RBM19: variants seen among roughly 807,000 people sequenced by gnomAD.
RBM19 encodes RNA binding motif protein 19, also known as probable RNA-binding protein 19.
Under a neutral mutation model 116.8 loss-of-function variants are expected in RBM19, and 94 were observed. That is an observed-to-expected ratio of 0.80 (90% CI 0.68 to 0.95). RBM19 has a LOEUF of 0.95. RBM19 is among the 40% of genes least tolerant of loss of function. The pLI is 0.00. For synonymous variants in RBM19, 475 were observed against 494.1 expected (o/e 0.96, Z 0.51); for missense variants, 1,161 against 1,220.7 (o/e 0.95, Z 0.73).
At position 113,896,491 on chromosome 12, in the gene RBM19, T is replaced by C. The variant is rs41509751; in HGVS notation, c.2558+18478A>G. Among the ~76,000 whole-genome samples the C allele has an allele frequency of 9.9e-3, 1,509 of 152,330 alleles. 83 individuals carry two copies. The East Asian group carries it at 0.14, about 14-fold the overall frequency. ...GAGGACCAGCTCTTGCCAGGAACAC[T>C]GGGAGGCACAGACATTACAGTGAAG... On this transcript the variant is annotated intron_variant, in intron 21 of 23. Transcript: ENST00000261741.
intron 21 of RBM19, among the ~76,000 whole-genome samples, chr12:113,911,257 TG>T (rs1196542887): frequency 6.6e-6 from 1 of 152,106 alleles, no homozygotes; most frequent in Non-Finnish European, 1.5e-5. Context: ...CATTTCCTTT[TG>T]GGGGATAAAG....
At chr12:113,852,771 C>G (rs1239320126) in intron 22 of RBM19, among the ~76,000 whole-genome samples, 1 of 152,230 alleles carries the variant, frequency 6.6e-6, no homozygotes, top group Non-Finnish European at 1.5e-5. Context: ...CTAAAGGGAT[C>G]TGAAGTCCCT....
chr12:113,954,465 C>T (rs1871738468), intron 7 of RBM19, among the ~76,000 whole-genome samples: 1 of 152,286 alleles, frequency 6.6e-6, no homozygotes, highest in Non-Finnish European at 1.5e-5. Context: ...TATTTGGAGT[C>T]GTTAGACCTG....
chr12:113,849,639 C>T (rs1181149709), intron 22 of RBM19, among the ~76,000 whole-genome samples: 1 of 152,204 alleles, frequency 6.6e-6, no homozygotes, highest in Non-Finnish European at 1.5e-5. Flanking sequence ...TAACCTGCAC[C>T]ACTATGGCTC....
intron 23 of RBM19, among the ~76,000 whole-genome samples, chr12:113,833,654 T>G (rs962737014): frequency 6.6e-6 from 1 of 152,226 alleles, no homozygotes; most frequent in Non-Finnish European, 1.5e-5. Flanking sequence ...AAATGCTGAC[T>G]TGGCAGAAAG....
At chr12:113,819,476 C>T (rs1356376237), downstream of RBM19, among the ~76,000 whole-genome samples, 2 of 152,202 alleles carry the variant, frequency 1.3e-5, no homozygotes, top group Non-Finnish European at 2.9e-5. Flanking sequence ...CTGCCCCCTG[C>T]AGCAGTCAGT....
chr12:113,918,738 G>C (rs1345534193), intron 19 of RBM19, among the ~76,000 whole-genome samples: 4 of 152,224 alleles, frequency 2.6e-5, no homozygotes, highest in Non-Finnish European at 5.9e-5. Flanking sequence ...TTGTTTATAA[G>C]CATGTTCAGG....
intron 23 of RBM19, among the ~76,000 whole-genome samples, chr12:113,840,647 C>A (rs978307593): frequency 6.6e-6 from 1 of 152,216 alleles, no homozygotes; most frequent in Non-Finnish European, 1.5e-5. Context: ...GGAGAGCAGA[C>A]GGCTGCAGGA....
chr12:113,895,350 G>C lies in RBM19; in HGVS notation c.2558+19619C>G, dbSNP rs929863571. 2.6e-5 allele frequency among the ~76,000 whole-genome samples: 4 copies of C among 152,240 alleles called. No homozygotes were observed. In the East Asian group the frequency reaches 7.7e-4, roughly 29 times the overall value. ...AAGGTGAGCTGCTGGGAGGGAAACA[G>C]TCAGGACCACCTCTCAACCATACAA... On this transcript the variant is annotated intron_variant, in intron 21 of 23. Coordinates refer to ENST00000261741, the MANE Select transcript of RBM19 (RefSeq NM_016196.4).
At chr12:113,861,974 A>T (rs766003287) in intron 21 of RBM19, among the ~76,000 whole-genome samples, 3 of 152,238 alleles carry the variant, frequency 2.0e-5, no homozygotes, top group Non-Finnish European at 2.9e-5. Context: ...AAATCCTATT[A>T]TTCTTCAGAG....
chr12:113,930,962 A>G (rs1035387693), intron 16 of RBM19, among the ~76,000 whole-genome samples: 1 of 152,164 alleles, frequency 6.6e-6, no homozygotes. Context: ...AATAGAGCTT[A>G]TTAAAACCAC....
chr12:113,949,655 A>G (rs966546423), intron 9 of RBM19, among the ~76,000 whole-genome samples: 2 of 152,066 alleles, frequency 1.3e-5, no homozygotes, highest in Non-Finnish European at 2.9e-5. Context: ...AACTCCAGGG[A>G]ATTTGCACGT....
chr12:113,879,689 G>T (rs1046610330), intron 21 of RBM19, among the ~76,000 whole-genome samples: 2 of 151,968 alleles, frequency 1.3e-5, no homozygotes, highest in Admixed American at 6.6e-5. Flanking sequence ...TATCCATAAT[G>T]CCCAGGAGAA....
chr12:113,959,940 G>A, intron 3 of RBM19, 37 bp from the exon 4 acceptor site: 1 of 1,614,042 alleles, frequency 6.2e-7, no homozygotes, highest in Non-Finnish European at 8.5e-7. Flanking sequence ...GGGTCACACA[G>A]ATGAAGAGAG....
intron 21 of RBM19, among the ~76,000 whole-genome samples, chr12:113,894,901 T>C (rs1006341542): frequency 6.6e-6 from 1 of 152,188 alleles, no homozygotes; most frequent in African/African-American, 2.4e-5. Flanking sequence ...CATTTTGATA[T>C]TGGACAGGGG....
At chr12:113,949,560 G>C (rs116087175) in intron 9 of RBM19, among the ~76,000 whole-genome samples, 1,772 of 152,224 alleles carry the variant, frequency 0.012, 37 homozygotes, top group African/African-American at 0.041. Flanking sequence ...GTCTTCACTG[G>C]GGTTGATGGC....
intron 20 of RBM19, 109 bp from the exon 21 acceptor site, chr12:113,915,194 A>C: frequency 1.0e-6 from 1 of 955,408 alleles, no homozygotes; most frequent in Non-Finnish European, 1.7e-6. Context: ...GGATTCAAGG[A>C]GTGTGCGTGG....
At chr12:113,931,879 C>A (rs1869634825) in intron 16 of RBM19, among the ~76,000 whole-genome samples, 1 of 152,218 alleles carries the variant, frequency 6.6e-6, no homozygotes, top group African/African-American at 2.4e-5. Flanking sequence ...CTTTTCAGAG[C>A]CCTGTCCTAT....
At chr12:113,889,555 GC>G (rs991557573) in intron 21 of RBM19, among the ~76,000 whole-genome samples, 1 of 152,086 alleles carries the variant, frequency 6.6e-6, no homozygotes, top group Non-Finnish European at 1.5e-5. Flanking sequence ...TTTAAGACCA[GC>G]CCCACGGGTC....
Sources: gnomAD v4.1 joint callset for allele counts (sites outside exome capture counted in the v4.1 genomes callset) on GRCh38, gnomAD v4.1.1 for gene constraint, MANE v1.5 for transcripts, NCBI Gene and HGNC (gene_info 2026-07-23, HGNC 2026-07-21) for gene names.